The following EEF1A1 variants were observed in gnomAD, a reference collection of about 807,000 sequenced individuals.
EEF1A1 encodes eukaryotic translation elongation factor 1 alpha 1, also known as elongation factor 1-alpha 1.
In EEF1A1, 1 loss-of-function variant was observed where a neutral mutation model predicts 38.5. The observed-to-expected ratio is 0.03, with a 90% CI of 0.01 to 0.12. EEF1A1 has a LOEUF of 0.12. Ranked by LOEUF, EEF1A1 falls within the 10% of genes least tolerant of loss-of-function variation. The pLI is 1.00. For synonymous variants in EEF1A1, 229 were observed against 203.7 expected (o/e 1.12, Z -1.06); for missense variants, 184 against 588.3 (o/e 0.31, Z 7.11).
At chr6:73,519,606 C>T (rs1765601434) in intron 2 of EEF1A1, 90 bp from the exon 3 acceptor site, 1 of 1,388,624 alleles carries the variant, frequency 7.2e-7, no homozygotes, top group Middle Eastern at 1.8e-4. Flanking sequence ...GCAGTTTCCA[C>T]TTTACAACTC....
rs1487069616 is a variant in EEF1A1 at position 73,517,632 on chromosome 6, AAAG to A, written c.*175_*177del. 1 of 443,830 alleles carries A rather than the reference AAAG, an allele frequency of 2.3e-6. No homozygotes were observed. The highest frequency in any genetic ancestry group is 3.3e-5 in the East Asian group (1 of 30,042). The allele number at this position is 443,830 out of a possible 1,614,324, so 27.5% of individuals were successfully genotyped here. ...ATAACTTAAAACTGCCACACGCAAA[AAAG>A]AAAACCAAAGTGGTCCACAAAACAT... On this transcript the variant is annotated 3_prime_UTR_variant, in exon 8 of 8. Transcript: ENST00000309268.
chr6:73,519,322 A>C lies in EEF1A1; in HGVS notation c.324+15T>G, dbSNP rs771217053. On this transcript the variant is annotated intron_variant, in intron 3 of 7. Transcript: ENST00000309268. ...TTTTGGGATAAAGAAACCTAGAATT[A>C]TTAATCCCACCAACCTGAGATGTCC... The C allele has an allele frequency of 6.2e-7, 1 of 1,607,254 alleles. No individual in the cohort carries two copies. Among genetic ancestry groups the C allele is most frequent in the African/African-American group, 1.3e-5 (1 of 74,080 alleles).
At chr6:73,519,267 A>C (rs760489800) in intron 3 of EEF1A1, 39 bp from the exon 4 acceptor site, 2 of 1,606,502 alleles carry the variant, frequency 1.2e-6, no homozygotes, top group Admixed American at 3.4e-5. Flanking sequence ...TCAACTCTCC[A>C]AATGACAAAA....
At chr6:73,520,447 T>C (rs1357799765) in intron 1 of EEF1A1, 1 of 161,528 alleles carries the variant, frequency 6.2e-6, no homozygotes, top group Admixed American at 6.3e-5. Context: ...CTCACGCAAC[T>C]GGTGCCGACC....
chr6:73,520,223 TCC>T, intron 1 of EEF1A1, 167 bp from the exon 2 acceptor site: 1 of 588,710 alleles, frequency 1.7e-6, no homozygotes, highest in Non-Finnish European at 2.8e-6. Context: ...ATAAAACCCC[TCC>T]CCCCAACCTA....
At position 73,519,982 on chromosome 6, in the gene EEF1A1, G is replaced by A. The variant is rs781090817; in HGVS notation, c.45C>T (p.His15=). 9.4e-6 allele frequency: 15 copies of A among 1,602,926 alleles called. No homozygotes were observed. The South Asian group carries it at 1.1e-4, about 12-fold the overall frequency. Residue 15 remains histidine, a synonymous_variant, in exon 2 of 8, where the codon CAC becomes CAT. Coordinates refer to ENST00000309268, the MANE Select transcript of EEF1A1 (RefSeq NM_001402.6). The part of the protein sequence containing the change: ...KTHINIVVIG[H]VDSGKSTTTG... The stretch of plus-strand genomic sequence containing the variant: ...TAGTGGTGGACTTGCCCGAATCTAC[G>A]TGTCCAATGACGACAATGTTGATAT...
In EEF1A1 at chr6:73,516,859, AC is replaced by A. The variant is rs1428348488; in HGVS notation, c.*950del. ...TTACCATGTAGTTTCATTCCTAGTGACCAAGTAGACAAACTGCTAATTATCA... is the reference window on the plus strand; with the variant it reads ...TTACCATGTAGTTTCATTCCTAGTGACAAGTAGACAAACTGCTAATTATCA... On this transcript the variant is annotated 3_prime_UTR_variant, in exon 8 of 8. Transcript: ENST00000309268. 6.6e-6 allele frequency: 1 copy of A among 152,202 alleles called. No individual in the cohort carries two copies. The highest frequency in any genetic ancestry group is 6.5e-5 in the Admixed American group (1 of 15,284). 9.4% of individuals were successfully genotyped at this position (152,202 alleles called of 1,614,324 possible). A position where few individuals can be genotyped will look rare whatever the true frequency, so the allele number is the denominator to read the frequency against.
rs775774223 is a variant in EEF1A1, at chr6:73,520,005, T to C, written c.22A>G (p.Ile8Val). 6.3e-6 allele frequency: 10 copies of C among 1,598,896 alleles called. No homozygotes were observed. The highest frequency in any genetic ancestry group is 1.1e-5 in the South Asian group (1 of 90,706). Residue 8 changes from isoleucine (I) to valine (V), a missense_variant, in exon 2 of 8, where the codon ATC (isoleucine) becomes GTC (valine). This residue lies in a region of EEF1A1 where 57 missense variants were observed against 228.1 expected (regional missense o/e 0.25). Coordinates refer to ENST00000309268, the MANE Select transcript of EEF1A1 (RefSeq NM_001402.6). MGKEKTH[I>V]NIVVIGHVDS... ...ACGTGTCCAATGACGACAATGTTGA[T>C]ATGAGTCTTTTCCTTTCCCATTTTG...
At chr6:73,519,610 ACAACTC>A in intron 2 of EEF1A1, 94 bp from the exon 3 acceptor site, 2 of 1,379,958 alleles carry the variant, frequency 1.4e-6, no homozygotes, top group Non-Finnish European at 9.8e-7. Context: ...TTTCCACTTT[ACAACTC>A]CAAGTCCAAA....
At chr6:73,520,731 C>G (rs183102689) in intron 1 of EEF1A1, 17 of 152,554 alleles carry the variant, frequency 1.1e-4, no homozygotes, top group Admixed American at 8.5e-4. Context: ...TTTTAAATGG[C>G]TAGAGACTTA....
At position 73,518,579 on chromosome 6, in the gene EEF1A1, C is replaced by T. The variant is rs1240478289; in HGVS notation, c.804G>A (p.Glu268=). 3 of 1,613,514 alleles carry T rather than the reference C, an allele frequency of 1.9e-6. No individual in the cohort carries two copies. In the East Asian group the frequency reaches 6.7e-5, roughly 36 times the overall value. The change falls in exon 6 of 8, where the codon GAG becomes GAA. Residue 268 remains glutamate (E), a synonymous_variant. Transcript: ENST00000309268. ...GIGTVPVGRV[E]TGVLKPGMVV... Reference sequence around the variant, plus strand: ...CCATACCGGGTTTGAGAACACCAGTCTCCACTCGGCCAACAGGAACAGTAC... The same window carrying T: ...CCATACCGGGTTTGAGAACACCAGTTTCCACTCGGCCAACAGGAACAGTAC...
chr6:73,518,293 A>T, intron 6 of EEF1A1, 29 bp from the exon 7 acceptor site: 1 of 1,611,196 alleles, frequency 6.2e-7, no homozygotes, highest in South Asian at 1.1e-5. Flanking sequence ...ATTCAGTGCA[A>T]ATCCAAAGTC....
chr6:73,516,962 A>T lies in EEF1A1; in HGVS notation c.*848T>A, dbSNP rs934998247. On this transcript the variant is annotated 3_prime_UTR_variant, in exon 8 of 8. Coordinates refer to ENST00000309268, the MANE Select transcript of EEF1A1 (RefSeq NM_001402.6). ...AATTTTATAGCTACTTCAAATTGCC[A>T]TCTTTTTCTATTAGAACCTTGTTCC... The T allele has an allele frequency of 6.6e-6, 1 of 152,230 alleles. No individual in the cohort carries two copies. The highest frequency in any genetic ancestry group is 2.4e-5 in the African/African-American group (1 of 41,476). The allele number at this position is 152,230 out of a possible 1,614,324, so 9.4% of individuals were successfully genotyped here. A position where few individuals can be genotyped will look rare whatever the true frequency, so the allele number is the denominator to read the frequency against.
rs1303402718 is a variant in EEF1A1, at chr6:73,515,764, T to G, written c.*2046A>C. On this transcript the variant is annotated 3_prime_UTR_variant, in exon 8 of 8. Transcript: ENST00000309268. The stretch of plus-strand genomic sequence containing the variant: ...GCCACTTCATCTTAAAGCTTAAAAT[T>G]CATTTATTGTAGTGAGCAAGTTTGT... The G allele has an allele frequency of 6.6e-6, 1 of 152,234 alleles. No homozygotes were observed. The highest frequency in any genetic ancestry group is 2.4e-5 in the African/African-American group (1 of 41,464). 9.4% of individuals were successfully genotyped at this position (152,234 alleles called of 1,614,324 possible).
intron 7 of EEF1A1, 29 bp from the exon 8 acceptor site, chr6:73,517,963 A>C: frequency 6.2e-7 from 1 of 1,613,986 alleles, no homozygotes; most frequent in African/African-American, 1.3e-5. Flanking sequence ...ATTATTACCC[A>C]AAGTACTGTT....
At position 73,519,992 on chromosome 6, in the gene EEF1A1, A is replaced by G; in HGVS notation, c.35T>C (p.Val12Ala). The change falls in exon 2 of 8, where the codon GTC (valine) becomes GCC (alanine). Residue 12 changes from valine to alanine, a missense_variant. Physicochemically the swap from Val to Ala is moderately conservative, Grantham distance 64. Coordinates refer to ENST00000309268, the MANE Select transcript of EEF1A1 (RefSeq NM_001402.6). ...GKEKTHINIVVIGHVDSGKST... is the reference protein window; with the variant it reads ...GKEKTHINIVAIGHVDSGKST... ...CTTGCCCGAATCTACGTGTCCAATG[A>G]CGACAATGTTGATATGAGTCTTTTC... 6.2e-7 allele frequency: 1 copy of G among 1,601,644 alleles called. No individual in the cohort carries two copies. The highest frequency in any genetic ancestry group is 8.5e-7 in the Non-Finnish European group (1 of 1,179,798).
intron 2 of EEF1A1, 72 bp downstream of exon 2, chr6:73,519,811 G>A (rs1411908612): frequency 6.3e-7 from 1 of 1,592,726 alleles, no homozygotes; most frequent in Non-Finnish European, 8.6e-7. Flanking sequence ...ACTAGTTCTG[G>A]GGAAATCACC....
At position 73,517,101 on chromosome 6, in the gene EEF1A1, T is replaced by G. The variant is rs564201050; in HGVS notation, c.*709A>C. ...ATAGGGTGTACACTAGCCACTACACTTATTTCTTATGTCATGGCAAATAGT... is the reference window on the plus strand; with the variant it reads ...ATAGGGTGTACACTAGCCACTACACGTATTTCTTATGTCATGGCAAATAGT... On this transcript the variant is annotated 3_prime_UTR_variant, in exon 8 of 8. Transcript: ENST00000309268. 1 of 152,400 alleles carries G rather than the reference T, an allele frequency of 6.6e-6. No homozygotes were observed. Among genetic ancestry groups the G allele is most frequent in the South Asian group, 2.1e-4 (1 of 4,830 alleles). 9.4% of individuals were successfully genotyped at this position (152,400 alleles called of 1,614,324 possible).
chr6:73,517,629 A>G lies in EEF1A1; in HGVS notation c.*181T>C, dbSNP rs1765552554. ...CTAATAACTTAAAACTGCCACACGCAAAAAAGAAAACCAAAGTGGTCCACA... is the reference window on the plus strand; with the variant it reads ...CTAATAACTTAAAACTGCCACACGCGAAAAAGAAAACCAAAGTGGTCCACA... On this transcript the variant is annotated 3_prime_UTR_variant, in exon 8 of 8. Coordinates refer to ENST00000309268, the MANE Select transcript of EEF1A1 (RefSeq NM_001402.6). The G allele has an allele frequency of 6.7e-6, 3 of 445,690 alleles. No homozygotes were observed. The highest frequency in any genetic ancestry group is 6.7e-5 in the East Asian group (2 of 29,922). The allele number at this position is 445,690 out of a possible 1,614,324, so 27.6% of individuals were successfully genotyped here.
Sources: allele counts gnomAD v4.1 joint callset, GRCh38; gene constraint gnomAD v4.1.1; regional missense constraint gnomAD v4.1.1; transcripts MANE v1.5; gene names NCBI Gene and HGNC (gene_info 2026-07-23, HGNC 2026-07-21).